Variants in GDPD5 observed in about 807,000 individuals in gnomAD.
GDPD5 encodes glycerophosphodiester phosphodiesterase 2.
Under a neutral mutation model 75.1 loss-of-function variants are expected in GDPD5, and 48 were observed. That is an observed-to-expected ratio of 0.64 (90% confidence interval 0.51 to 0.81). The LOEUF (loss-of-function observed/expected upper bound fraction) is 0.81. Ranked by LOEUF, GDPD5 falls within the 40% of genes least tolerant of loss-of-function variation. The pLI is 0.00. For synonymous variants in GDPD5, 336 were observed against 339.0 expected (o/e 0.99, Z 0.10); for missense variants, 706 against 822.6 (o/e 0.86, Z 1.73).
chr11:75,499,021 C>T (rs1383268223), intron 1 of GDPD5, among the ~76,000 whole-genome samples: 1 of 152,104 alleles, frequency 6.6e-6, no homozygotes, highest in African/African-American at 2.4e-5. Flanking sequence ...TTCTACGTTT[C>T]CTATTCCCTT....
At chr11:75,471,352 C>A (rs1373107096) in intron 3 of GDPD5, among the ~76,000 whole-genome samples, 2 of 152,196 alleles carry the variant, frequency 1.3e-5, no homozygotes, top group African/African-American at 4.8e-5. Context: ...AGAATCCCCA[C>A]CCCCAGCCGG....
chr11:75,469,394 G>A (rs551877017), intron 3 of GDPD5, among the ~76,000 whole-genome samples: 4 of 152,200 alleles, frequency 2.6e-5, no homozygotes, highest in Non-Finnish European at 5.9e-5. Flanking sequence ...AAGCAGAGGA[G>A]ACCAAGTCAC....
At chr11:75,448,921 C>A in intron 9 of GDPD5, 56 bp downstream of exon 9, 1 of 1,495,754 alleles carries the variant, frequency 6.7e-7, no homozygotes, top group Non-Finnish European at 8.9e-7. Context: ...CCAAGAAGGT[C>A]CCCCCCATCG....
chr11:75,512,389 C>T (rs1383144591), intron 1 of GDPD5, among the ~76,000 whole-genome samples: 2 of 149,954 alleles, frequency 1.3e-5, no homozygotes, highest in African/African-American at 2.5e-5. Context: ...ATAAAGGAAC[C>T]GACAGGGTGG....
chr11:75,522,075 C>T (rs1297211447), intron 1 of GDPD5, among the ~76,000 whole-genome samples: 1 of 152,134 alleles, frequency 6.6e-6, no homozygotes, highest in Non-Finnish European at 1.5e-5. Flanking sequence ...TCCTCCTCGC[C>T]CCAAGTTCTC....
At chr11:75,490,164 G>T (rs1260611189) in intron 2 of GDPD5, 73 bp downstream of exon 2, 2 of 152,084 alleles carry the variant, frequency 1.3e-5, no homozygotes, top group African/African-American at 4.8e-5. Context: ...GGTGGACATT[G>T]TGTAAGAACC....
At chr11:75,514,688 C>T (rs1057433595) in intron 1 of GDPD5, among the ~76,000 whole-genome samples, 2 of 152,238 alleles carry the variant, frequency 1.3e-5, no homozygotes, top group Non-Finnish European at 2.9e-5. Context: ...CAGGGCACAT[C>T]TGGACAGAGG....
Position 75,435,521 on chromosome 11 carries a change from G to A in GDPD5, c.1804C>T (p.Arg602Trp), listed in dbSNP as rs201881925. 136 of 1,609,020 alleles carry A rather than the reference G, an allele frequency of 8.5e-5. No individual in the cohort carries two copies. Among genetic ancestry groups the A allele is most frequent in the African/African-American group, 2.7e-4 (20 of 74,904 alleles). ...GGSHTKTLIERSGR is the reference protein window; with the variant it reads ...GGSHTKTLIEWSGR ...CATGTCTTCAGCTAACGCCCACTCC[G>A]CTCTATGAGGGTCTTGGTGTGGCTG... Residue 602 changes from arginine (R) to tryptophan (W), a missense_variant, in exon 17 of 17, where the codon CGG becomes TGG. Physicochemically the swap from Arg to Trp is moderately radical, Grantham distance 101. Coordinates refer to ENST00000336898, the MANE Select transcript of GDPD5 (RefSeq NM_030792.8).
intron 1 of GDPD5, among the ~76,000 whole-genome samples, chr11:75,491,077 C>G (rs1239570092): frequency 6.6e-6 from 1 of 152,106 alleles, no homozygotes; most frequent in African/African-American, 2.4e-5. Flanking sequence ...CCTCCTGGTG[C>G]CAATATAACA....
intron 4 of GDPD5, 49 bp from the exon 5 acceptor site, chr11:75,457,835 C>A (rs1312896317): frequency 6.9e-7 from 1 of 1,451,788 alleles, no homozygotes; most frequent in Admixed American, 1.7e-5. Context: ...AGGCCACTAC[C>A]TGGCCCAGGA....
At chr11:75,442,318 C>A (rs1308898571) in intron 12 of GDPD5, 45 bp downstream of exon 12, 1 of 1,446,834 alleles carries the variant, frequency 6.9e-7, no homozygotes, top group African/African-American at 1.4e-5. Context: ...AGGGCTCTAG[C>A]CAGGCCAGGG....
chr11:75,510,599 C>T (rs12362081), intron 1 of GDPD5, among the ~76,000 whole-genome samples: 1 of 152,062 alleles, frequency 6.6e-6, no homozygotes, highest in Non-Finnish European at 1.5e-5. Flanking sequence ...CTCCTTTCAC[C>T]TCTGCTCCAG....
intron 3 of GDPD5, among the ~76,000 whole-genome samples, chr11:75,471,736 C>T (rs151128685): frequency 4.3e-4 from 65 of 152,272 alleles, no homozygotes; most frequent in African/African-American, 9.9e-4. Context: ...TCCCCTGGAG[C>T]GTGACGTGGT....
chr11:75,506,404 GC>G (rs1950400391), intron 1 of GDPD5, among the ~76,000 whole-genome samples: 1 of 152,158 alleles, frequency 6.6e-6, no homozygotes, highest in African/African-American at 2.4e-5. Flanking sequence ...TCCAGTGGCT[GC>G]CCCTCCACCT....
rs371106113 is a variant in GDPD5 at position 75,443,292 on chromosome 11, G to A, written c.798-6C>T. The A allele has an allele frequency of 6.2e-7, 1 of 1,603,074 alleles. No homozygotes were observed. The highest frequency in any genetic ancestry group is 8.5e-7 in the Non-Finnish European group (1 of 1,176,504). The stretch of plus-strand genomic sequence containing the variant: ...GGAAGGGCACGCCGTCCAGGCTGCA[G>A]GGAGGGTGGGGCCACCGAGTCAGTG... On this transcript the variant is annotated splice_region_variant and splice_polypyrimidine_tract_variant and intron_variant, in intron 10 of 16. Transcript: ENST00000336898.
intron 9 of GDPD5, among the ~76,000 whole-genome samples, chr11:75,446,944 C>T (rs1228675691): frequency 4.6e-5 from 7 of 151,974 alleles, no homozygotes; most frequent in Non-Finnish European, 7.4e-5. Flanking sequence ...AGTGCAATGG[C>T]GCAATCTCGG....
intron 3 of GDPD5, among the ~76,000 whole-genome samples, chr11:75,476,010 T>G (rs1444409676): frequency 6.6e-6 from 1 of 152,118 alleles, no homozygotes; most frequent in Non-Finnish European, 1.5e-5. Context: ...ACCAAGGAGA[T>G]GAGACTTCTG....
intron 3 of GDPD5, among the ~76,000 whole-genome samples, chr11:75,476,434 A>G (rs780816712): frequency 6.6e-6 from 1 of 151,224 alleles, no homozygotes; most frequent in Non-Finnish European, 1.5e-5. Context: ...TAGAGGATGC[A>G]CCACCAAAAC....
chr11:75,465,674 A>G (rs1028263237), intron 3 of GDPD5, among the ~76,000 whole-genome samples: 3 of 152,212 alleles, frequency 2.0e-5, no homozygotes, highest in African/African-American at 7.2e-5. Context: ...AAAAGTACCT[A>G]GTCTTCTATA....
Sources: gnomAD v4.1 joint callset for allele counts (sites outside exome capture counted in the v4.1 genomes callset) on GRCh38, gnomAD v4.1.1 for gene constraint, MANE v1.5 for transcripts, NCBI Gene and HGNC (gene_info 2026-07-23, HGNC 2026-07-21) for gene names.